LARP4B: variants seen among roughly 807,000 people sequenced by gnomAD.
LARP4B encodes the protein la-related protein 4B.
Under a neutral mutation model 89.8 loss-of-function variants are expected in LARP4B, and 12 were observed. That is an observed-to-expected ratio of 0.13 (90% confidence interval 0.09 to 0.22). LARP4B has a LOEUF of 0.22. Among genes scored for constraint, LARP4B ranks in the 10% least tolerant of loss-of-function variants. The pLI is 1.00. For missense variants in LARP4B, 757 were observed against 947.7 expected (o/e 0.80, Z 2.64); for synonymous variants, 367 against 363.3 (o/e 1.01, Z -0.12).
At position 849,484 on chromosome 10, in the gene LARP4B, C is replaced by T. The variant is rs115717003; in HGVS notation, c.431-4429G>A. Among the ~76,000 whole-genome samples the T allele has an allele frequency of 1.3e-3, 202 of 152,312 alleles. 1 individual carries two copies. The highest frequency in any genetic ancestry group is 4.8e-3 in the African/African-American group (198 of 41,562). ...TATAAAACAAACATTCTGGAATCCA[C>T]ACTGCTATAAAGAGTTGAATAAGTA... On this transcript the variant is annotated intron_variant, in intron 5 of 17. Transcript: ENST00000316157.
upstream of LARP4B, among the ~76,000 whole-genome samples, chr10:934,505 AAAAAAC>A (rs1205733787): frequency 3.3e-5 from 5 of 152,046 alleles, no homozygotes; most frequent in African/African-American, 1.2e-4. Flanking sequence ...AAGAAAAAGA[AAAAAAC>A]TAAAACTAAA....
Position 921,776 on chromosome 10 carries a change from G to T in LARP4B, c.-40+9652C>A, listed in dbSNP as rs74116997. Among the ~76,000 whole-genome samples the T allele has an allele frequency of 4.6e-3, 703 of 152,208 alleles. 8 individuals carry two copies. The highest frequency in any genetic ancestry group is 0.016 in the African/African-American group (681 of 41,552). ...TTTCATGCTTAGGTTTAACTCTCCT[G>T]TACTGAGCCCTAAAGAATAATGATT... On this transcript the variant is annotated intron_variant, in intron 1 of 17. Coordinates refer to ENST00000316157, the MANE Select transcript of LARP4B (RefSeq NM_015155.3).
At chr10:849,261 A>G (rs1264477616) in intron 5 of LARP4B, among the ~76,000 whole-genome samples, 1 of 152,248 alleles carries the variant, frequency 6.6e-6, no homozygotes, top group African/African-American at 2.4e-5. Context: ...TCACTGTCCA[A>G]TGAAGGACCC....
chr10:880,748 G>A (rs564296203), intron 3 of LARP4B, among the ~76,000 whole-genome samples: 3 of 152,098 alleles, frequency 2.0e-5, no homozygotes, highest in East Asian at 1.9e-4. Context: ...AGTTTAGTAT[G>A]AGGATGAGTT....
chr10:886,440 T>G (rs1293274975), intron 1 of LARP4B, among the ~76,000 whole-genome samples: 1 of 152,190 alleles, frequency 6.6e-6, no homozygotes, highest in African/African-American at 2.4e-5. Context: ...CATATTATCC[T>G]TTCTGAGTAT....
chr10:892,320 AAAG>A (rs1007860809), intron 1 of LARP4B, among the ~76,000 whole-genome samples: 1 of 152,256 alleles, frequency 6.6e-6, no homozygotes, highest in Non-Finnish European at 1.5e-5. Flanking sequence ...ACAGTCTAAA[AAAG>A]AAGTTTTATC....
intron 1 of LARP4B, among the ~76,000 whole-genome samples, chr10:900,420 CTTTTTTTTTTTTTTT>C (rs529963345): frequency 3.3e-4 from 15 of 45,246 alleles, no homozygotes; most frequent in East Asian, 7.6e-4. Flanking sequence ...AGAAGGATGT[CTTTTTTTTTTTTTTT>C]TTTTTTTTTT....
chr10:966,812 G>A, the LARP4B span, among the ~76,000 whole-genome samples: 4 of 152,022 alleles, frequency 2.6e-5, no homozygotes, highest in African/African-American at 9.7e-5. Context: ...GGGATGGTTT[G>A]AGTCTGAGGC....
At chr10:869,385 TCA>T (rs1000389852) in intron 3 of LARP4B, among the ~76,000 whole-genome samples, 16 of 152,128 alleles carry the variant, frequency 1.1e-4, no homozygotes, top group Middle Eastern at 3.4e-3. Flanking sequence ...CTGGCAAAAT[TCA>T]CAGACAGAAA....
rs1239004755 is a variant in LARP4B, at chr10:810,293, T to C, written c.*2633A>G. 4 of 152,182 alleles carry C rather than the reference T, an allele frequency of 2.6e-5. No individual in the cohort carries two copies. Among genetic ancestry groups the C allele is most frequent in the African/African-American group, 7.2e-5 (3 of 41,418 alleles). 9.4% of individuals were successfully genotyped at this position (152,182 alleles called of 1,614,324 possible). On this transcript the variant is annotated 3_prime_UTR_variant, in exon 18 of 18. Coordinates refer to ENST00000316157, the MANE Select transcript of LARP4B (RefSeq NM_015155.3). ...CTCATTTTCTTCTGAGCAGAAACTC[T>C]TGAAGTAGTATCAGGTTTTTTCAGA...
At chr10:846,126 C>T (rs1833766735) in intron 5 of LARP4B, among the ~76,000 whole-genome samples, 1 of 152,224 alleles carries the variant, frequency 6.6e-6, no homozygotes, top group African/African-American at 2.4e-5. Context: ...CACTGTCCAT[C>T]TAGACTAAGG....
At chr10:907,498 AACAT>A (rs1836525725) in intron 1 of LARP4B, among the ~76,000 whole-genome samples, 1 of 152,236 alleles carries the variant, frequency 6.6e-6, no homozygotes, top group South Asian at 2.1e-4. Context: ...CTGGGATCTA[AACAT>A]ACAAAGGAGT....
chr10:839,843 A>T (rs546994005), intron 7 of LARP4B, among the ~76,000 whole-genome samples: 40 of 152,300 alleles, frequency 2.6e-4, no homozygotes, highest in African/African-American at 8.9e-4. Flanking sequence ...AGACTTTTAC[A>T]CAAGTGTCCA....
At chr10:829,906 A>C (rs569027462) in intron 9 of LARP4B, among the ~76,000 whole-genome samples, 172 bp from the exon 10 acceptor site, 1 of 152,242 alleles carries the variant, frequency 6.6e-6, no homozygotes, top group Non-Finnish European at 1.5e-5. Context: ...AAATAACCTC[A>C]TAAGAGCTAT....
At chr10:957,156 T>G in the LARP4B span, among the ~76,000 whole-genome samples, 1 of 152,044 alleles carries the variant, frequency 6.6e-6, no homozygotes, top group Non-Finnish European at 1.5e-5. Context: ...ACCCTCTTAT[T>G]TTTTTACTTT....
At chr10:920,992 G>C (rs1836962198) in intron 1 of LARP4B, among the ~76,000 whole-genome samples, 1 of 151,894 alleles carries the variant, frequency 6.6e-6, no homozygotes, top group Non-Finnish European at 1.5e-5. Context: ...GGAAGTTAAG[G>C]GTCAGGCATG....
chr10:869,440 A>G (rs1281953143), intron 3 of LARP4B, among the ~76,000 whole-genome samples: 1 of 152,200 alleles, frequency 6.6e-6, no homozygotes, highest in Non-Finnish European at 1.5e-5. Context: ...TGCTAACAAG[A>G]GTTTGCACAC....
Position 836,516 on chromosome 10 carries a change from G to C in LARP4B, c.647-10C>G, listed in dbSNP as rs369449303. 6.4e-7 allele frequency: 1 copy of C among 1,558,750 alleles called. No homozygotes were observed. The highest frequency in any genetic ancestry group is 1.4e-5 in the African/African-American group (1 of 73,646). On this transcript the variant is annotated splice_polypyrimidine_tract_variant and intron_variant, in intron 7 of 17. Transcript: ENST00000316157. ...TGGACTAAAGGTAAAGCTACAAAGA[G>C]AAGAAAAATCAATGGTGAAACAAAA...
chr10:987,380 G>A, the LARP4B span: 1 of 152,240 alleles, frequency 6.6e-6, no homozygotes, highest in African/African-American at 2.4e-5. Flanking sequence ...TTGTTTAAAA[G>A]GATTGGAGAG....
Sources: gnomAD v4.1 joint callset for allele counts (sites outside exome capture counted in the v4.1 genomes callset) on GRCh38, gnomAD v4.1.1 for gene constraint, MANE v1.5 for transcripts, NCBI Gene and HGNC (gene_info 2026-07-23, HGNC 2026-07-21) for gene names.